Variants in BLVRA observed in about 807,000 individuals in gnomAD.
BLVRA encodes biliverdin reductase A.
A neutral mutation model predicts 32.8 loss-of-function variants in BLVRA; 22 were observed. That is an observed-to-expected ratio of 0.67 (90% confidence interval 0.48 to 0.96). The LOEUF (loss-of-function observed/expected upper bound fraction) is 0.96. Ranked by LOEUF, BLVRA falls within the 40% of genes least tolerant of loss-of-function variation. The pLI is 0.00. For synonymous variants in BLVRA, 119 were observed against 141.3 expected (o/e 0.84, Z 1.12); for missense variants, 323 against 358.1 (o/e 0.90, Z 0.79).
chr7:43,793,052 A>G (rs2095787975), intron 5 of BLVRA, among the ~76,000 whole-genome samples: 1 of 152,224 alleles, frequency 6.6e-6, no homozygotes, highest in South Asian at 2.1e-4. Context: ...TAAGGAAAAA[A>G]TATGAATTAG....
At position 43,798,197 on chromosome 7, in the gene BLVRA, CAAAAAAAAAAAAAA is replaced by C. The variant is rs56855757; in HGVS notation, c.353-2252_353-2239del. On this transcript the variant is annotated intron_variant, in intron 5 of 7. Coordinates refer to ENST00000265523, the MANE Select transcript of BLVRA (RefSeq NM_000712.4). Reference sequence around the variant, plus strand: ...TGACAGAGGGAGACTCCCCATCTCACAAAAAAAAAAAAAAAAAAAAAAAAAAAAAGGAAACGATG... The same window carrying C: ...TGACAGAGGGAGACTCCCCATCTCACAAAAAAAAAAAAAAAGGAAACGATG... Among the ~76,000 whole-genome samples, 17 of 45,200 alleles carry C rather than the reference CAAAAAAAAAAAAAA, an allele frequency of 3.8e-4. No homozygotes were observed. In the South Asian group the frequency reaches 6.1e-3, roughly 16 times the overall value. The allele number at this position is 45,200 out of a possible 152,430, so 29.7% of individuals were successfully genotyped here.
At chr7:43,761,587 C>A (rs1481787472) in intron 1 of BLVRA, among the ~76,000 whole-genome samples, 1 of 151,744 alleles carries the variant, frequency 6.6e-6, no homozygotes, top group African/African-American at 2.4e-5. Context: ...ATTCATTGAT[C>A]CCCCAAATGT....
chr7:43,788,424 G>A (rs1425898378), intron 3 of BLVRA, among the ~76,000 whole-genome samples: 3 of 152,142 alleles, frequency 2.0e-5, no homozygotes, highest in Admixed American at 6.5e-5. Flanking sequence ...TTCCTTCTGC[G>A]TAGTGTTATT....
intron 7 of BLVRA, among the ~76,000 whole-genome samples, chr7:43,806,617 A>C (rs1301119365): frequency 6.6e-6 from 1 of 151,938 alleles, no homozygotes; most frequent in African/African-American, 2.4e-5. Context: ...GCATGGTGGC[A>C]GGCGCCTGTA....
intron 4 of BLVRA, among the ~76,000 whole-genome samples, chr7:43,792,286 T>C (rs1302500296): frequency 6.6e-6 from 1 of 152,250 alleles, no homozygotes. Context: ...CTGGAAAATG[T>C]CTGCTCATAC....
rs148124250 is a variant in BLVRA, at chr7:43,773,174, C to T, written c.12+2004C>T. Reference sequence around the variant, plus strand: ...TTATTATACTTTAAGTTTTAGGGTACATGTGCATAATGTGCAGGTTAGTTA... The same window carrying T: ...TTATTATACTTTAAGTTTTAGGGTATATGTGCATAATGTGCAGGTTAGTTA... On this transcript the variant is annotated intron_variant, in intron 2 of 7. Transcript: ENST00000265523. 3.7e-3 allele frequency among the ~76,000 whole-genome samples: 561 copies of T among 151,976 alleles called. 4 individuals carry two copies. Among genetic ancestry groups the T allele is most frequent in the Non-Finnish European group, 6.5e-3 (440 of 67,974 alleles).
chr7:43,791,595 T>C (rs1350594510), intron 4 of BLVRA: 6 of 529,656 alleles, frequency 1.1e-5, no homozygotes, highest in Non-Finnish European at 1.7e-5. Context: ...TATGTGTAAT[T>C]TGAAACATTA....
In BLVRA at chr7:43,807,308, T is replaced by G; in HGVS notation, c.*73T>G. ...CTTCTCAAGAGTTGACCATTATCTCTATTCTTAAAATTAAACATGTTGGGG... is the reference window on the plus strand; with the variant it reads ...CTTCTCAAGAGTTGACCATTATCTCGATTCTTAAAATTAAACATGTTGGGG... On this transcript the variant is annotated 3_prime_UTR_variant, in exon 8 of 8. Coordinates refer to ENST00000265523, the MANE Select transcript of BLVRA (RefSeq NM_000712.4). 15 of 1,578,786 alleles carry G rather than the reference T, an allele frequency of 9.5e-6. No individual in the cohort carries two copies. The highest frequency in any genetic ancestry group is 1.2e-5 in the Non-Finnish European group (14 of 1,161,704).
chr7:43,780,716 T>C (rs1026470560), intron 2 of BLVRA, among the ~76,000 whole-genome samples: 1 of 152,250 alleles, frequency 6.6e-6, no homozygotes. Context: ...CTCAGACTTA[T>C]TTATATTTTA....
At chr7:43,782,139 T>G (rs771193802) in intron 2 of BLVRA, among the ~76,000 whole-genome samples, 7 of 152,368 alleles carry the variant, frequency 4.6e-5, no homozygotes, top group Non-Finnish European at 8.8e-5. Flanking sequence ...TGATGCCTCA[T>G]GCATAGCTTA....
intron 2 of BLVRA, among the ~76,000 whole-genome samples, chr7:43,772,603 A>G (rs1238951933): frequency 2.0e-5 from 3 of 152,240 alleles, no homozygotes; most frequent in Admixed American, 2.0e-4. Context: ...GGTAATTTAA[A>G]AAGGAAAGAG....
At chr7:43,803,942 T>G (rs1369015192) in intron 7 of BLVRA, 95 bp downstream of exon 7, 1 of 1,424,296 alleles carries the variant, frequency 7.0e-7, no homozygotes, top group Non-Finnish European at 9.8e-7. Flanking sequence ...GGCTAGACCC[T>G]CACTCCCAGC....
rs1489817785 is a variant in BLVRA at position 43,803,828 on chromosome 7, C to T, written c.613C>T (p.Leu205=). Residue 205 remains leucine (L), a synonymous_variant, in exon 7 of 8, where the codon CTG becomes TTG. Transcript: ENST00000265523. ...EDQYMKMTVC[L]ETEKKSPLSW... ...TCAGTATATGAAAATGACAGTGTGT[C>T]TGGAGACAGAGAAGAAAAGGTAAGT... 1.1e-5 allele frequency: 18 copies of T among 1,614,020 alleles called. No homozygotes were observed. The highest frequency in any genetic ancestry group is 1.4e-5 in the Non-Finnish European group (16 of 1,179,980).
chr7:43,793,917 C>T (rs893356177), intron 5 of BLVRA, among the ~76,000 whole-genome samples: 3 of 149,746 alleles, frequency 2.0e-5, no homozygotes, highest in Non-Finnish European at 3.0e-5. Context: ...TGACCGTGCC[C>T]GGCATACAAA....
Position 43,803,611 on chromosome 7 carries a change from C to G in BLVRA, c.461-65C>G, listed in dbSNP as rs988071576. ...TTCACACCCCCGCCACCCCCACCCC[C>G]CTGTCCTGCTTTCCACTTGGCATTC... On this transcript the variant is annotated intron_variant, in intron 6 of 7. Coordinates refer to ENST00000265523, the MANE Select transcript of BLVRA (RefSeq NM_000712.4). 9.5e-6 allele frequency: 14 copies of G among 1,481,300 alleles called. No homozygotes were observed. The East Asian group carries it at 9.5e-5, about 10-fold the overall frequency. The allele number at this position is 1,481,300 out of a possible 1,614,324, so 91.8% of individuals were successfully genotyped here.
intron 4 of BLVRA, 34 bp from the exon 5 acceptor site, chr7:43,792,681 T>C: frequency 6.4e-7 from 1 of 1,567,176 alleles, no homozygotes. Flanking sequence ...TTATTCGAAG[T>C]GTTCTTTCTC....
chr7:43,789,876 C>CGTGTGTGT lies in BLVRA; in HGVS notation c.135-1352_135-1345dup, dbSNP rs141385505. Reference sequence around the variant, plus strand: ...GGTAGTCTTGTGGTAGTGGTATGTACGTGTGTGTGTGTGTGTGTGTGTGTG... The same window carrying CGTGTGTGT: ...GGTAGTCTTGTGGTAGTGGTATGTACGTGTGTGTGTGTGTGTGTGTGTGTGTGTGTGTG... On this transcript the variant is annotated intron_variant, in intron 3 of 7. Transcript: ENST00000265523. Among the ~76,000 whole-genome samples the CGTGTGTGT allele has an allele frequency of 2.9e-3, 436 of 149,124 alleles. 2 individuals carry two copies. The highest frequency in any genetic ancestry group is 6.8e-3 in the Admixed American group (101 of 14,956).
intron 1 of BLVRA, among the ~76,000 whole-genome samples, chr7:43,769,854 C>T (rs895745030): frequency 1.4e-4 from 21 of 152,202 alleles, no homozygotes; most frequent in South Asian, 4.1e-4. Context: ...GGTGATCTGC[C>T]TTCCTTGTCC....
At chr7:43,764,900 C>T (rs2095746115) in intron 1 of BLVRA, among the ~76,000 whole-genome samples, 1 of 152,138 alleles carries the variant, frequency 6.6e-6, no homozygotes, top group Non-Finnish European at 1.5e-5. Flanking sequence ...CAAGGGACCC[C>T]GTGTCCTGCT....
Sources: allele counts gnomAD v4.1 joint callset (sites outside exome capture counted in the v4.1 genomes callset), GRCh38; gene constraint gnomAD v4.1.1; transcripts MANE v1.5; gene names NCBI Gene and HGNC (gene_info 2026-07-23, HGNC 2026-07-21).